The following ERBB3 variants were observed in gnomAD, a reference collection of about 807,000 sequenced individuals.
ERBB3 encodes the protein erb-b2 receptor tyrosine kinase 3, also known as receptor tyrosine-protein kinase erbB-3.
In ERBB3, 96 loss-of-function variants were observed where a neutral mutation model predicts 156.7. That is an observed-to-expected ratio of 0.61 (90% CI 0.52 to 0.73). ERBB3 has a LOEUF of 0.73. Among genes scored for constraint, ERBB3 ranks in the 30% least tolerant of loss-of-function variants. The probability of loss-of-function intolerance (pLI) is 0.00; values close to 1 mark genes in which losing one functional copy is unlikely to be tolerated. For synonymous variants in ERBB3, 567 were observed against 632.0 expected (o/e 0.90, Z 1.54); for missense variants, 1,406 against 1,709.4 (o/e 0.82, Z 3.13).
In ERBB3 at chr12:56,102,022, G is replaced by C; in HGVS notation, c.3996G>C (p.Arg1332Ser). Residue 1332 changes from arginine to serine, a missense_variant, in exon 28 of 28, where the codon AGG becomes AGC. Arg to Ser is a moderately radical substitution (Grantham distance 110). This residue lies in a region of ERBB3 where 415 missense variants were observed against 454.1 expected (regional missense o/e 0.91). Transcript: ENST00000267101. ...ATAACCCTGATTACTGGCATAGCAG[G>C]CTTTTCCCCAAGGCTAATGCCCAGA... ...AFDNPDYWHS[R>S]LFPKANAQRT 1 of 1,612,224 alleles carries C rather than the reference G, an allele frequency of 6.2e-7. No individual in the cohort carries two copies.
At chr12:56,081,073 A>G (rs188543816) in intron 1 of ERBB3, among the ~76,000 whole-genome samples, 66 of 152,270 alleles carry the variant, frequency 4.3e-4, no homozygotes, top group African/African-American at 1.5e-3. Flanking sequence ...TTGAGCATCT[A>G]CTATACACAA....
rs759458720 is a variant in ERBB3, at chr12:56,097,050, G to A, written c.2280G>A (p.Met760Ile). The change falls in exon 20 of 28, where the codon ATG becomes ATA. Residue 760 changes from methionine (M) to isoleucine (I), a missense_variant. Transcript: ENST00000267101. ...ATACCTTTTGTGTCTCTTAGCATATGCTGGCCATTGGCAGCCTGGACCATG... is the reference window on the plus strand; with the variant it reads ...ATACCTTTTGTGTCTCTTAGCATATACTGGCCATTGGCAGCCTGGACCATG... ...RQSFQAVTDH[M>I]LAIGSLDHAH... 15 of 1,613,954 alleles carry A rather than the reference G, an allele frequency of 9.3e-6. No individual in the cohort carries two copies. Among genetic ancestry groups the A allele is most frequent in the Admixed American group, 3.3e-5 (2 of 60,004 alleles).
chr12:56,088,116 C>T lies in ERBB3; in HGVS notation c.828C>T (p.Pro276=), dbSNP rs2136795459. ...TAACTTTCCAGCTGGAACCCAATCC[C>T]CACACCAAGTATCAGTATGGAGGAG... ...NKLTFQLEPN[P]HTKYQYGGVC... The change falls in exon 7 of 28, where the codon CCC becomes CCT. Residue 276 remains proline, a synonymous_variant. Transcript: ENST00000267101. The T allele has an allele frequency of 6.2e-7, 1 of 1,614,206 alleles. No individual in the cohort carries two copies. Among genetic ancestry groups the T allele is most frequent in the Non-Finnish European group, 8.5e-7 (1 of 1,180,030 alleles).
rs978242459 is a variant in ERBB3, at chr12:56,096,680, A to G, written c.2175+58A>G. 2.5e-6 allele frequency: 4 copies of G among 1,613,678 alleles called. No homozygotes were observed. The African/African-American group carries it at 5.3e-5, about 22-fold the overall frequency. On this transcript the variant is annotated intron_variant, in intron 18 of 27. Coordinates refer to ENST00000267101, the MANE Select transcript of ERBB3 (RefSeq NM_001982.4). ...GGAAGGCATCTAGGGCAAAGGGGTG[A>G]AAGATTTTTGCATAGGATTGACCTA...
intron 9 of ERBB3, among the ~76,000 whole-genome samples, chr12:56,090,671 A>T (rs991539316): frequency 2.0e-5 from 3 of 151,418 alleles, no homozygotes; most frequent in Non-Finnish European, 4.4e-5. Flanking sequence ...CATACGCTTT[A>T]TCACTTCTCT....
chr12:56,101,789 A>G lies in ERBB3; in HGVS notation c.3763A>G (p.Thr1255Ala), dbSNP rs577222787. Residue 1255 changes from threonine to alanine, a missense_variant, in exon 28 of 28, where the codon ACT becomes GCT. This residue lies in a region of ERBB3 where 415 missense variants were observed against 454.1 expected (regional missense o/e 0.91). Coordinates refer to ENST00000267101, the MANE Select transcript of ERBB3 (RefSeq NM_001982.4). ...PVPIMPTAGT[T>A]PDEDYEYMNR... ...ACCCATCATGCCCACTGCAGGCACAACTCCAGATGAAGACTATGAATATAT... is the reference window on the plus strand; with the variant it reads ...ACCCATCATGCCCACTGCAGGCACAGCTCCAGATGAAGACTATGAATATAT... 3 of 1,613,002 alleles carry G rather than the reference A, an allele frequency of 1.9e-6. No individual in the cohort carries two copies. Among genetic ancestry groups the G allele is most frequent in the East Asian group, 2.2e-5 (1 of 44,834 alleles).
At position 56,092,991 on chromosome 12, in the gene ERBB3, C is replaced by T; in HGVS notation, c.1189C>T (p.Leu397=). ...FRTVREITGY[L]NIQSWPPHMH... ...GCCTCTCTCCAACCCCTCAGGTTAC[C>T]TGAACATCCAGTCCTGGCCGCCCCA... Residue 397 remains leucine, a synonymous_variant, in exon 11 of 28, where the codon CTG becomes TTG. Transcript: ENST00000267101. 1 of 1,614,028 alleles carries T rather than the reference C, an allele frequency of 6.2e-7. No homozygotes were observed. The highest frequency in any genetic ancestry group is 8.5e-7 in the Non-Finnish European group (1 of 1,179,876).
chr12:56,080,155 G>T (rs1270544198), upstream of ERBB3: 5 of 696,014 alleles, frequency 7.2e-6, no homozygotes, highest in East Asian at 1.1e-4. Context: ...CTCCGGCTCC[G>T]GCTCCGATTG....
chr12:56,091,332 TAA>T (rs1555211825), intron 9 of ERBB3, among the ~76,000 whole-genome samples: 6 of 168 alleles, frequency 0.036, no homozygotes, highest in Non-Finnish European at 0.097. Context: ...TATATATAAA[TAA>T]TATATATAAA....
rs765277521 is a variant in ERBB3, at chr12:56,101,233, G to A, written c.3374G>A (p.Arg1125Gln). 13 of 1,613,682 alleles carry A rather than the reference G, an allele frequency of 8.1e-6. No homozygotes were observed. The highest frequency in any genetic ancestry group is 2.2e-5 in the South Asian group (2 of 91,066). ...CRSRSRSRSP[R>Q]PRGDSAYHSQ... ...AGCCGGAGCAGGAGCCGGAGCCCACGGCCACGCGGAGATAGCGCCTACCAT... is the reference window on the plus strand; with the variant it reads ...AGCCGGAGCAGGAGCCGGAGCCCACAGCCACGCGGAGATAGCGCCTACCAT... Residue 1125 changes from arginine (R) to glutamine (Q), a missense_variant, in exon 27 of 28, where the codon CGG (arginine) becomes CAG (glutamine). Coordinates refer to ENST00000267101, the MANE Select transcript of ERBB3 (RefSeq NM_001982.4).
rs1307557023 is a variant in ERBB3 at position 56,097,939 on chromosome 12, A to T, written c.2615A>T (p.Lys872Met). Residue 872 changes from lysine (K) to methionine (M), a missense_variant and splice_region_variant, in exon 21 of 28, where the codon AAG becomes ATG. Coordinates refer to ENST00000267101, the MANE Select transcript of ERBB3 (RefSeq NM_001982.4). ...DDKQLLYSEA[K>M]TPIKWMALES... ...AAGCAGCTGCTATACAGTGAGGCCA[A>T]GGTGAGGAGACACAAAGGGTAAGGA... 1.2e-6 allele frequency: 2 copies of T among 1,613,094 alleles called. No homozygotes were observed. Among genetic ancestry groups the T allele is most frequent in the Middle Eastern group, 1.9e-4 (1 of 5,272 alleles).
At chr12:56,095,933 C>T (rs1001510680) in intron 17 of ERBB3, 127 bp downstream of exon 17, 2 of 951,958 alleles carry the variant, frequency 2.1e-6, no homozygotes, top group East Asian at 4.9e-5. Context: ...TGTCACTCCC[C>T]TCCTCTTTCC....
rs1468432119 is a variant in ERBB3, at chr12:56,098,555, A to C, written c.2672A>C (p.Gln891Pro). The C allele has an allele frequency of 6.2e-7, 1 of 1,613,958 alleles. No homozygotes were observed. Among genetic ancestry groups the C allele is most frequent in the Admixed American group, 1.7e-5 (1 of 60,030 alleles). ...ESIHFGKYTH[Q>P]SDVWSYGVTV... ...ATCCACTTTGGGAAATACACACACC[A>C]GAGTGATGTCTGGAGCTATGGTCAG... Residue 891 changes from glutamine (Q) to proline (P), a missense_variant, in exon 22 of 28, where the codon CAG (glutamine) becomes CCG (proline). Coordinates refer to ENST00000267101, the MANE Select transcript of ERBB3 (RefSeq NM_001982.4).
rs1191071083 is a variant in ERBB3 at position 56,101,675 on chromosome 12, C to T, written c.3649C>T (p.Leu1217Phe). The T allele has an allele frequency of 1.9e-6, 3 of 1,613,868 alleles. No individual in the cohort carries two copies. In the Admixed American group the frequency reaches 5.0e-5, roughly 27 times the overall value. ...SPPHPPRPSSLEELGYEYMDV... is the reference protein window; with the variant it reads ...SPPHPPRPSSFEELGYEYMDV... ...ACCTCATCCCCCTAGGCCAAGTTCCCTTGAGGAGCTGGGTTATGAGTACAT... is the reference window on the plus strand; with the variant it reads ...ACCTCATCCCCCTAGGCCAAGTTCCTTTGAGGAGCTGGGTTATGAGTACAT... Residue 1217 changes from leucine to phenylalanine, a missense_variant, in exon 28 of 28, where the codon CTT (leucine) becomes TTT (phenylalanine). Physicochemically the swap from Leu to Phe is conservative, Grantham distance 22. Around this residue, in one of 3 missense-constraint regions of ERBB3, gnomAD observed 415 missense variants for 454.1 expected, o/e 0.91. Transcript: ENST00000267101.
chr12:56,097,956 G>C lies in ERBB3; in HGVS notation c.2616+16G>C, dbSNP rs76079275. On this transcript the variant is annotated intron_variant, in intron 21 of 27. Transcript: ENST00000267101. ...TGAGGCCAAGGTGAGGAGACACAAA[G>C]GGTAAGGAGGCGGGGGTGGAGTGAA... 13,977 of 1,612,272 alleles carry C rather than the reference G, an allele frequency of 8.7e-3. 169 individuals carry two copies. The highest frequency in any genetic ancestry group is 0.036 in the South Asian group (3,301 of 90,988).
chr12:56,098,105 G>T, intron 21 of ERBB3, 165 bp downstream of exon 21: 1 of 708,632 alleles, frequency 1.4e-6, no homozygotes, highest in Non-Finnish European at 2.3e-6. Flanking sequence ...ATAAAATAAT[G>T]ATCAAGAACT....
At position 56,102,729 on chromosome 12, in the gene ERBB3, G is replaced by A; in HGVS notation, c.*674G>A. ...CATGCCTGTAATCTCAGCACTTTGG[G>A]AGGCTGAGGCAGAAGGATTACCTGA... On this transcript the variant is annotated 3_prime_UTR_variant, in exon 28 of 28. Transcript: ENST00000267101. 1 of 217,800 alleles carries A rather than the reference G, an allele frequency of 4.6e-6. No individual in the cohort carries two copies. Among genetic ancestry groups the A allele is most frequent in the Non-Finnish European group, 9.1e-6 (1 of 109,442 alleles). 13.5% of individuals were successfully genotyped at this position (217,800 alleles called of 1,614,324 possible). A position where few individuals can be genotyped will look rare whatever the true frequency, so the allele number is the denominator to read the frequency against.
chr12:56,102,082 G>T lies in ERBB3; in HGVS notation c.*27G>T. ...TCCTGCTCCCTGTGGCACTCAGGGA[G>T]CATTTAATGGCAGCTAGTGCCTTTA... On this transcript the variant is annotated 3_prime_UTR_variant, in exon 28 of 28. Coordinates refer to ENST00000267101, the MANE Select transcript of ERBB3 (RefSeq NM_001982.4). 1 of 1,595,448 alleles carries T rather than the reference G, an allele frequency of 6.3e-7. No individual in the cohort carries two copies. The highest frequency in any genetic ancestry group is 8.5e-7 in the Non-Finnish European group (1 of 1,173,760).
intron 18 of ERBB3, 38 bp from the exon 19 acceptor site, chr12:56,096,710 G>A: frequency 6.2e-7 from 1 of 1,612,868 alleles, no homozygotes; most frequent in Non-Finnish European, 8.5e-7. Context: ...GACCTAGGGA[G>A]AATGACCTTA....
Sources: gnomAD v4.1 joint callset for allele counts (sites outside exome capture counted in the v4.1 genomes callset) on GRCh38, gnomAD v4.1.1 for gene constraint, gnomAD v4.1.1 regional missense constraint, MANE v1.5 for transcripts, NCBI Gene and HGNC (gene_info 2026-07-23, HGNC 2026-07-21) for gene names.